TET2: variants seen among roughly 807,000 people sequenced by gnomAD.
TET2 encodes methylcytosine dioxygenase TET2.
TET2 carries 299 observed loss-of-function variants against 142.9 expected under a neutral mutation model. That is an observed-to-expected ratio of 2.09 (90% CI 1.90 to 2.30). The LOEUF (loss-of-function observed/expected upper bound fraction) is 2.30, where lower values mean the gene tolerates loss of function less well. Ranked by LOEUF, TET2 falls within the 30% of genes most tolerant of loss-of-function variation. The pLI, the probability that TET2 is intolerant of heterozygous loss-of-function variation, is 0.00. For synonymous variants in TET2, 819 were observed against 849.0 expected, an observed-to-expected ratio of 0.96 and a Z score of 0.61; for missense variants, 2,418 against 2,378.0, an observed-to-expected ratio of 1.02 and a Z score of -0.35.
chr4:105,229,494 A>G (rs578142012), intron 2 of TET2, among the ~76,000 whole-genome samples: 31 of 152,138 alleles, frequency 2.0e-4, no homozygotes, highest in Admixed American at 2.0e-3. Context: ...TATTTTTAGT[A>G]GTGGCGGTGT....
At chr4:105,165,834 A>ATCTTAAG (rs1405013336) in intron 1 of TET2, among the ~76,000 whole-genome samples, 1 of 152,182 alleles carries the variant, frequency 6.6e-6, no homozygotes, top group Non-Finnish European at 1.5e-5. Flanking sequence ...AAATACTACA[A>ATCTTAAG]TCTTAAGTAT....
intron 2 of TET2, among the ~76,000 whole-genome samples, chr4:105,195,938 A>G (rs1223250084): frequency 6.6e-6 from 1 of 152,164 alleles, no homozygotes; most frequent in Non-Finnish European, 1.5e-5. Flanking sequence ...CCACTTGTAC[A>G]CGTGCACATA....
At chr4:105,170,402 C>T (rs970566846) in intron 1 of TET2, among the ~76,000 whole-genome samples, 3 of 152,118 alleles carry the variant, frequency 2.0e-5, no homozygotes, top group African/African-American at 7.2e-5. Context: ...GGAAGATTGC[C>T]TGAGTCTCAA....
At chr4:105,198,395 T>A (rs983785649) in intron 2 of TET2, among the ~76,000 whole-genome samples, 1 of 152,162 alleles carries the variant, frequency 6.6e-6, no homozygotes, top group Non-Finnish European at 1.5e-5. Context: ...AACGAAGGTG[T>A]CATTGTCCTA....
At chr4:105,245,659 C>G (rs1203022352) in intron 6 of TET2, among the ~76,000 whole-genome samples, 1 of 152,024 alleles carries the variant, frequency 6.6e-6, no homozygotes, top group Non-Finnish European at 1.5e-5. Flanking sequence ...ACCCTGACTC[C>G]TCTTGCTCTT....
intron 2 of TET2, among the ~76,000 whole-genome samples, chr4:105,195,334 T>C (rs1194289123): frequency 6.6e-6 from 1 of 152,208 alleles, no homozygotes; most frequent in Non-Finnish European, 1.5e-5. Flanking sequence ...GATGTTAATC[T>C]GACCAGACAT....
In TET2 at chr4:105,235,029, C is replaced by T. The variant is rs1338558798; in HGVS notation, c.1087C>T (p.Pro363Ser). The T allele has an allele frequency of 1.2e-6, 2 of 1,614,154 alleles. No homozygotes were observed. The highest frequency in any genetic ancestry group is 8.5e-7 in the Non-Finnish European group (1 of 1,180,018). Reference protein sequence around the residue: ...CSGSSSNLQAPGGSSERYLKQ... With the variant: ...CSGSSSNLQASGGSSERYLKQ... ...AGGTTCCAGCAGCAATTTGCAAGCT[C>T]CTGGTGGCAGCTCTGAACGGTATTT... Residue 363 changes from proline (P) to serine (S), a missense_variant, in exon 3 of 11, where the codon CCT becomes TCT. Pro to Ser is a moderately conservative substitution (Grantham distance 74). Coordinates refer to ENST00000380013, the MANE Select transcript of TET2 (RefSeq NM_001127208.3).
At chr4:105,251,536 A>G (rs1729869429) in intron 6 of TET2, among the ~76,000 whole-genome samples, 1 of 152,136 alleles carries the variant, frequency 6.6e-6, no homozygotes, top group Admixed American at 6.5e-5. Flanking sequence ...TATTATATTG[A>G]TTCATTTTTA....
chr4:105,180,838 G>A (rs534334274), intron 1 of TET2, among the ~76,000 whole-genome samples: 7 of 151,872 alleles, frequency 4.6e-5, no homozygotes, highest in African/African-American at 1.7e-4. Flanking sequence ...AGGGTTTCAC[G>A]ATGTTGGCCA....
chr4:105,272,612 G>T lies in TET2; in HGVS notation c.4231G>T (p.Glu1411Ter). ...CAATCGAGAATTTGGAGGAAAACCT[G>T]AGGATGAGCAGCTTCACGTTCTGCC... is the stretch of plus-strand genomic sequence containing the variant. Reference protein sequence around the residue: ...EDNREFGGKPEDEQLHVLPLY... With the variant: ...EDNREFGGKP The change falls in exon 10 of 11, where the codon GAG (glutamate) becomes TAG (stop). Residue 1411 changes from glutamate to a stop codon, truncating the protein, a stop_gained. Transcript: ENST00000380013. LOFTEE classifies it high-confidence loss of function. 1 of 1,549,804 alleles carries T rather than the reference G, an allele frequency of 6.5e-7. No individual in the cohort carries two copies. Among genetic ancestry groups the T allele is most frequent in the Non-Finnish European group, 8.7e-7 (1 of 1,146,464 alleles).
intron 8 of TET2, among the ~76,000 whole-genome samples, chr4:105,264,102 A>AT (rs796297285): frequency 0.077 from 10,790 of 139,570 alleles, 456 homozygotes; most frequent in Admixed American, 0.11. Context: ...CGTCCCAAAC[A>AT]TTTTTTTTTT....
At chr4:105,176,854 G>GTAA (rs1370452326) in intron 1 of TET2, among the ~76,000 whole-genome samples, 1 of 152,132 alleles carries the variant, frequency 6.6e-6, no homozygotes, top group African/African-American at 2.4e-5. Context: ...GACACTACCT[G>GTAA]GCTTTAAAGC....
chr4:105,204,763 G>A (rs1231351339), intron 2 of TET2, among the ~76,000 whole-genome samples: 1 of 151,954 alleles, frequency 6.6e-6, no homozygotes, highest in South Asian at 2.1e-4. Context: ...AAAATACATG[G>A]CATTTTACTA....
chr4:105,198,336 CAATA>C (rs551451195), intron 2 of TET2, among the ~76,000 whole-genome samples: 2 of 151,838 alleles, frequency 1.3e-5, no homozygotes, highest in Non-Finnish European at 1.5e-5. Context: ...AACTCTGTCT[CAATA>C]AATAAATAAA....
At position 105,235,248 on chromosome 4, in the gene TET2, C is replaced by G. The variant is rs1254726433; in HGVS notation, c.1306C>G (p.His436Asp). 6.2e-7 allele frequency: 1 copy of G among 1,614,068 alleles called. No homozygotes were observed. Among genetic ancestry groups the G allele is most frequent in the African/African-American group, 1.3e-5 (1 of 75,004 alleles). Residue 436 changes from histidine (H) to aspartate (D), a missense_variant, in exon 3 of 11, where the codon CAC becomes GAC. Coordinates refer to ENST00000380013, the MANE Select transcript of TET2 (RefSeq NM_001127208.3). ...TGGTGGAGTTTTAGAAGAACACCAC[C>G]ACTACCCCAACCAAAGTAACACAAC... ...LNGGVLEEHH[H>D]YPNQSNTTLL... is the part of the protein sequence containing the mutation.
At position 105,234,365 on chromosome 4, in the gene TET2, C is replaced by T. The variant is rs80152288; in HGVS notation, c.423C>T (p.Val141=). ...RNPGESSQPN[V]SDLSDKKESV... ...CAGGTGAAAGCAGTCAACCAAATGT[C>T]TCCGATTTGAGTGATAAGAAAGAAT... The change falls in exon 3 of 11, where the codon GTC becomes GTT. Residue 141 remains valine, a synonymous_variant. Transcript: ENST00000380013. The T allele has an allele frequency of 1.9e-6, 3 of 1,614,030 alleles. No homozygotes were observed. Among genetic ancestry groups the T allele is most frequent in the African/African-American group, 1.3e-5 (1 of 75,040 alleles).
intron 2 of TET2, among the ~76,000 whole-genome samples, chr4:105,198,677 T>C (rs1726245065): frequency 6.6e-6 from 1 of 152,206 alleles, no homozygotes; most frequent in Non-Finnish European, 1.5e-5. Flanking sequence ...ATATGCCTTG[T>C]AGGCTGAAAA....
chr4:105,216,445 A>G (rs543237878), intron 2 of TET2, among the ~76,000 whole-genome samples: 101 of 152,020 alleles, frequency 6.6e-4, no homozygotes, highest in African/African-American at 2.3e-3. Flanking sequence ...TGGTGGACTT[A>G]TTTTATGGTA....
intron 2 of TET2, among the ~76,000 whole-genome samples, chr4:105,220,311 T>C (rs922115255): frequency 1.3e-5 from 2 of 152,190 alleles, no homozygotes; most frequent in Non-Finnish European, 2.9e-5. Context: ...TATACTATTA[T>C]AGTCTCCTTC....
Sources: allele counts gnomAD v4.1 joint callset (sites outside exome capture counted in the v4.1 genomes callset), GRCh38; gene constraint gnomAD v4.1.1; transcripts MANE v1.5; gene names NCBI Gene and HGNC (gene_info 2026-07-23, HGNC 2026-07-21).